Variants in SLC34A2 observed in about 807,000 individuals in gnomAD.
SLC34A2 encodes solute carrier family 34 member 2, also known as sodium-dependent phosphate transport protein 2B.
In SLC34A2, 41 loss-of-function variants were observed where a neutral mutation model predicts 50.8. The observed-to-expected ratio is 0.81, with a 90% confidence interval of 0.63 to 1.05. SLC34A2 has a LOEUF of 1.05. SLC34A2 is among the 50% of genes least tolerant of loss of function. SLC34A2 has a pLI of 0.00. For synonymous variants in SLC34A2, 401 were observed against 364.2 expected (o/e 1.10, Z -1.15); for missense variants, 879 against 876.7 (o/e 1.00, Z -0.03).
intron 6 of SLC34A2, among the ~76,000 whole-genome samples, chr4:25,668,658 T>G (rs900309214): frequency 6.9e-6 from 1 of 144,804 alleles, no homozygotes; most frequent in Non-Finnish European, 1.5e-5. Context: ...AAAAAAAAAA[T>G]AAATAAATAC....
intron 6 of SLC34A2, among the ~76,000 whole-genome samples, chr4:25,668,509 G>A (rs749680279): frequency 1.3e-5 from 2 of 152,098 alleles, no homozygotes; most frequent in East Asian, 3.9e-4. Context: ...GGCCGTGGTT[G>A]CCAGCGTCTG....
intron 6 of SLC34A2, among the ~76,000 whole-genome samples, chr4:25,668,271 G>A (rs35135675): frequency 1.3e-5 from 2 of 152,206 alleles, no homozygotes; most frequent in Admixed American, 6.5e-5. Context: ...AGAGCACCCA[G>A]CACATTGAGT....
Position 25,676,775 on chromosome 4 carries a change from G to A in SLC34A2, c.*26G>A. 6.2e-7 allele frequency: 1 copy of A among 1,613,816 alleles called. No homozygotes were observed. The highest frequency in any genetic ancestry group is 8.5e-7 in the Non-Finnish European group (1 of 1,179,944). On this transcript the variant is annotated 3_prime_UTR_variant, in exon 13 of 13. Transcript: ENST00000382051. The stretch of plus-strand genomic sequence containing the variant: ...GGGACGCCCCAGATTGTCAGGGATG[G>A]GGGGATGGTCCTTGAGTTTTGCATG...
intron 1 of SLC34A2, among the ~76,000 whole-genome samples, chr4:25,659,550 A>G (rs1714072880): frequency 6.6e-6 from 1 of 152,056 alleles, no homozygotes; most frequent in Non-Finnish European, 1.5e-5. Flanking sequence ...TTGTGTCATG[A>G]ACAATAAACA....
intron 5 of SLC34A2, among the ~76,000 whole-genome samples, chr4:25,667,643 G>A (rs1304617258): frequency 6.6e-6 from 1 of 152,244 alleles, no homozygotes; most frequent in East Asian, 1.9e-4. Context: ...ATCAGTGGGT[G>A]CCTCCTGGTC....
rs1715260267 is a variant in SLC34A2 at position 25,678,296 on chromosome 4, G to GTTA, written c.*1548_*1549insTAT. The stretch of plus-strand genomic sequence containing the variant: ...ACTCTATATCTATAGTCACAGCCCT[G>GTTA]TACAGCATTTTTCATAAGTTATATA... On this transcript the variant is annotated 3_prime_UTR_variant, in exon 13 of 13. Coordinates refer to ENST00000382051, the MANE Select transcript of SLC34A2 (RefSeq NM_006424.3). 3 of 153,898 alleles carry GTTA rather than the reference G, an allele frequency of 1.9e-5. No homozygotes were observed. Among genetic ancestry groups the GTTA allele is most frequent in the Non-Finnish European group, 2.9e-5 (2 of 69,084 alleles). The allele number at this position is 153,898 out of a possible 1,614,324, so 9.5% of individuals were successfully genotyped here.
rs1715151693 is a variant in SLC34A2 at position 25,676,707 on chromosome 4, G to A, written c.2031G>A (p.Glu677=). 1 of 1,614,170 alleles carries A rather than the reference G, an allele frequency of 6.2e-7. No homozygotes were observed. The highest frequency in any genetic ancestry group is 8.5e-7 in the Non-Finnish European group (1 of 1,180,006). The change falls in exon 13 of 13, where the codon GAG becomes GAA. Residue 677 remains glutamate (E), a synonymous_variant. Transcript: ENST00000382051. ...NITISREAQG[E]VPASDSKTEC... The stretch of plus-strand genomic sequence containing the variant: ...CCATTAGCAGAGAGGCTCAGGGTGA[G>A]GTCCCTGCCTCGGACTCAAAGACCG...
Position 25,676,566 on chromosome 4 carries a change from C to T in SLC34A2, c.1890C>T (p.Cys630=). The change falls in exon 13 of 13, where the codon TGC becomes TGT. Residue 630 remains cysteine, a synonymous_variant. Coordinates refer to ENST00000382051, the MANE Select transcript of SLC34A2 (RefSeq NM_006424.3). ...GCCGCGTGTGCTGCCGCGCGTGCTGCTTGCTGTGTGACTGCCCCAAGTGCT... is the reference window on the plus strand; with the variant it reads ...GCCGCGTGTGCTGCCGCGCGTGCTGTTTGCTGTGTGACTGCCCCAAGTGCT... ...CCCRVCCRAC[C]LLCDCPKCCR... 6.2e-7 allele frequency: 1 copy of T among 1,613,170 alleles called. No individual in the cohort carries two copies. The highest frequency in any genetic ancestry group is 8.5e-7 in the Non-Finnish European group (1 of 1,179,252).
In SLC34A2 at chr4:25,677,243, C is replaced by T; in HGVS notation, c.*494C>T. Reference sequence around the variant, plus strand: ...CCATGGCCTCCTTGCCCCAGATCAGCCTGGGTCAGGGGACATAGTGTCATT... The same window carrying T: ...CCATGGCCTCCTTGCCCCAGATCAGTCTGGGTCAGGGGACATAGTGTCATT... On this transcript the variant is annotated 3_prime_UTR_variant, in exon 13 of 13. Transcript: ENST00000382051. 5.7e-6 allele frequency: 1 copy of T among 174,906 alleles called. No homozygotes were observed. Among genetic ancestry groups the T allele is most frequent in the South Asian group, 1.4e-4 (1 of 7,252 alleles). 10.8% of individuals were successfully genotyped at this position (174,906 alleles called of 1,614,324 possible). A position where few individuals can be genotyped will look rare whatever the true frequency, so the allele number is the denominator to read the frequency against.
At chr4:25,664,415 C>T in intron 4 of SLC34A2, 85 bp downstream of exon 4, 1 of 1,433,228 alleles carries the variant, frequency 7.0e-7, no homozygotes, top group Non-Finnish European at 9.8e-7. Flanking sequence ...CAAGCCCTCT[C>T]CAGCTGCAGC....
chr4:25,668,788 G>A (rs572431215), intron 6 of SLC34A2, among the ~76,000 whole-genome samples: 14 of 151,388 alleles, frequency 9.2e-5, no homozygotes, highest in South Asian at 4.2e-4. Context: ...TAGTTTCTGC[G>A]TATGCAGAAA....
At chr4:25,675,576 A>T (rs1317676125) in intron 12 of SLC34A2, among the ~76,000 whole-genome samples, 2 of 152,256 alleles carry the variant, frequency 1.3e-5, no homozygotes, top group African/African-American at 4.8e-5. Context: ...AAGTAGAAAC[A>T]GGCTGATTCA....
intron 9 of SLC34A2, 29 bp from the exon 10 acceptor site, chr4:25,673,058 T>C (rs1415789050): frequency 6.2e-7 from 1 of 1,613,542 alleles, no homozygotes; most frequent in Non-Finnish European, 8.5e-7. Flanking sequence ...CTCCATGCCC[T>C]CCTGACAAGA....
rs755925395 is a variant in SLC34A2, at chr4:25,676,296, C to T, written c.1620C>T (p.Ile540=). The T allele has an allele frequency of 2.5e-6, 4 of 1,614,206 alleles. No homozygotes were observed. The highest frequency in any genetic ancestry group is 1.7e-5 in the Admixed American group (1 of 60,022). ...ACCTGATCATCTTCTTCTTCCTGAT[C>T]CCGCTGACGGTGTTTGGCCTCTCGC... ...VFYLIIFFFL[I]PLTVFGLSLA... Residue 540 remains isoleucine, a synonymous_variant, in exon 13 of 13, where the codon ATC becomes ATT. Coordinates refer to ENST00000382051, the MANE Select transcript of SLC34A2 (RefSeq NM_006424.3).
intron 10 of SLC34A2, 71 bp downstream of exon 10, chr4:25,673,325 C>A: frequency 7.0e-7 from 1 of 1,422,918 alleles, no homozygotes; most frequent in Non-Finnish European, 9.9e-7. Flanking sequence ...CCTTTAGATT[C>A]CCATCTAGCA....
chr4:25,676,252 C>A lies in SLC34A2; in HGVS notation c.1576C>A (p.Arg526Ser), dbSNP rs115131445. The change falls in exon 13 of 13, where the codon CGC becomes AGC. Residue 526 changes from arginine (R) to serine (S), a missense_variant. By Grantham distance (110) the Arg-to-Ser change is moderately radical. Transcript: ENST00000382051. ...KGLGNISAKY[R>S]WFAVFYLIIF... is the part of the protein sequence containing the mutation. ...GCTGGGCAACATCTCTGCCAAGTAT[C>A]GCTGGTTCGCCGTCTTCTACCTGAT... 60 of 1,614,190 alleles carry A rather than the reference C, an allele frequency of 3.7e-5. No individual in the cohort carries two copies. The highest frequency in any genetic ancestry group is 5.0e-5 in the Non-Finnish European group (59 of 1,180,046).
rs896323182 is a variant in SLC34A2 at position 25,676,980 on chromosome 4, G to A, written c.*231G>A. On this transcript the variant is annotated 3_prime_UTR_variant, in exon 13 of 13. Coordinates refer to ENST00000382051, the MANE Select transcript of SLC34A2 (RefSeq NM_006424.3). Reference sequence around the variant, plus strand: ...AATCTTTTACTCCAGGAAGGCACAGGATGGTACCTAAAGAGAATTAGAGAA... The same window carrying A: ...AATCTTTTACTCCAGGAAGGCACAGAATGGTACCTAAAGAGAATTAGAGAA... The A allele has an allele frequency of 1.7e-6, 1 of 587,408 alleles. No individual in the cohort carries two copies. Among genetic ancestry groups the A allele is most frequent in the Non-Finnish European group, 3.0e-6 (1 of 330,138 alleles). The allele number at this position is 587,408 out of a possible 1,614,324, so 36.4% of individuals were successfully genotyped here. A position where few individuals can be genotyped will look rare whatever the true frequency, so the allele number is the denominator to read the frequency against.
chr4:25,665,751 C>T (rs1714462927), intron 4 of SLC34A2, among the ~76,000 whole-genome samples: 1 of 152,110 alleles, frequency 6.6e-6, no homozygotes, highest in South Asian at 2.1e-4. Flanking sequence ...CTCATTGGAA[C>T]CCACTGGTCC....
chr4:25,656,456 A>G (rs1475705977), intron 1 of SLC34A2: 2 of 152,080 alleles, frequency 1.3e-5, no homozygotes, highest in Admixed American at 1.3e-4. Flanking sequence ...TGCCTAGGAG[A>G]CAGTCTTAGT....
Sources: allele counts gnomAD v4.1 joint callset (sites outside exome capture counted in the v4.1 genomes callset), GRCh38; gene constraint gnomAD v4.1.1; transcripts MANE v1.5; gene names NCBI Gene and HGNC (gene_info 2026-07-23, HGNC 2026-07-21).